Variants in SPAG6 observed in about 807,000 individuals in gnomAD.
SPAG6 encodes the protein sperm associated antigen 6.
In SPAG6, 49 loss-of-function variants were observed where a neutral mutation model predicts 58.5. That is an observed-to-expected ratio of 0.84 (90% CI 0.67 to 1.06). SPAG6 has a LOEUF of 1.06. Ranked by LOEUF, SPAG6 falls within the 50% of genes least tolerant of loss-of-function variation. SPAG6 has a pLI of 0.00. For missense variants in SPAG6, 560 were observed against 611.3 expected (o/e 0.92, Z 0.89); for synonymous variants, 233 against 225.6 (o/e 1.03, Z -0.29).
chr10:22,401,109 C>A, intron 8 of SPAG6, 52 bp from the exon 9 acceptor site: 1 of 801,344 alleles, frequency 1.2e-6, no homozygotes, highest in Non-Finnish European at 2.1e-6. Flanking sequence ...GAATTCTTGT[C>A]AAGGTTTCAT....
At position 22,345,584 on chromosome 10, in the gene SPAG6, G is replaced by A. The variant is rs376327411; in HGVS notation, c.-28G>A. 233 of 1,524,832 alleles carry A rather than the reference G, an allele frequency of 1.5e-4. 1 individual carries two copies. The South Asian group carries it at 2.3e-3, about 15-fold the overall frequency. 94.5% of individuals were successfully genotyped at this position (1,524,832 alleles called of 1,614,324 possible). A position where few individuals can be genotyped will look rare whatever the true frequency, so the allele number is the denominator to read the frequency against. On this transcript the variant is annotated 5_prime_UTR_variant, in exon 1 of 11. Coordinates refer to ENST00000376624, the MANE Select transcript of SPAG6 (RefSeq NM_012443.4). This position sits in a 1 kb window ranked among gnomAD's most constrained non-coding sequence, Gnocchi z 6.3. The stretch of plus-strand genomic sequence containing the variant: ...GCCGAGCGGCTTCCCCGCAGAGCTC[G>A]AGGAGGGCAGACGGCGGCGGGGGCG...
intron 2 of SPAG6, among the ~76,000 whole-genome samples, chr10:22,363,821 A>AAAGAAAAGAT (rs1837114140): frequency 6.6e-6 from 1 of 152,236 alleles, no homozygotes; most frequent in Admixed American, 6.5e-5. Flanking sequence ...ATATATTTTT[A>AAAGAAAAGAT]AAGAAAAGAT....
rs1356880413 is a variant in SPAG6 at position 22,401,271 on chromosome 10, C to G, written c.1308C>G (p.Phe436Leu). 10 of 1,489,114 alleles carry G rather than the reference C, an allele frequency of 6.7e-6. No individual in the cohort carries two copies. The highest frequency in any genetic ancestry group is 9.4e-6 in the Non-Finnish European group (10 of 1,067,900). The allele number at this position is 1,489,114 out of a possible 1,614,324, so 92.2% of individuals were successfully genotyped here. ...PNILKHVVGQ[F>L]SKVLPHDSKA... ...TTCTGAAACATGTGGTTGGACAGTT[C>G]AGTAAGGTAAGAAATGCCAGCCTCT... The change falls in exon 9 of 11, where the codon TTC (phenylalanine) becomes TTG (leucine). Residue 436 changes from phenylalanine (F) to leucine (L), a missense_variant. Coordinates refer to ENST00000376624, the MANE Select transcript of SPAG6 (RefSeq NM_012443.4).
chr10:22,407,784 G>A (rs1205540582), intron 9 of SPAG6, among the ~76,000 whole-genome samples: 12 of 152,058 alleles, frequency 7.9e-5, no homozygotes, highest in African/African-American at 2.7e-4. Context: ...CCAATCAGAC[G>A]TAGATTTGGT....
In SPAG6 at chr10:22,416,610, C is replaced by G. The variant is rs755874186; in HGVS notation, c.1461-9C>G. On this transcript the variant is annotated splice_polypyrimidine_tract_variant and intron_variant, in intron 10 of 10. Transcript: ENST00000376624. ...TCACCAGCATTTAATAGTGTATTTT[C>G]TTTTTCAGGTATTATTCCCCTGGAT... 1 of 1,579,708 alleles carries G rather than the reference C, an allele frequency of 6.3e-7. No individual in the cohort carries two copies. Among genetic ancestry groups the G allele is most frequent in the South Asian group, 1.1e-5 (1 of 90,226 alleles).
intron 9 of SPAG6, among the ~76,000 whole-genome samples, chr10:22,404,028 G>A (rs1227850012): frequency 1.1e-4 from 15 of 140,540 alleles, no homozygotes; most frequent in African/African-American, 3.5e-4. Flanking sequence ...GTAGATTCTG[G>A]ATATTAGCCC....
chr10:22,359,635 T>C lies in SPAG6; in HGVS notation c.122-5218T>C, dbSNP rs1836976954. On this transcript the variant is annotated intron_variant, in intron 2 of 10. Transcript: ENST00000376624. ...GGTGGTGGTTGCACAACACTGTAAATGTACTCAATGCCACTTAATTGTACA... is the reference window on the plus strand; with the variant it reads ...GGTGGTGGTTGCACAACACTGTAAACGTACTCAATGCCACTTAATTGTACA... Among the ~76,000 whole-genome samples the C allele has an allele frequency of 3.9e-5, 6 of 152,292 alleles. No homozygotes were observed. The South Asian group carries it at 1.2e-3, about 32-fold the overall frequency.
chr10:22,410,582 AG>A (rs34169920), intron 9 of SPAG6, among the ~76,000 whole-genome samples: 7,207 of 152,228 alleles, frequency 0.047, 271 homozygotes, highest in Non-Finnish European at 0.079. Flanking sequence ...AGGAAGAGGT[AG>A]CAGCGTGGGC....
At chr10:22,412,376 A>G (rs1834762154) in intron 10 of SPAG6, 1 of 819,718 alleles carries the variant, frequency 1.2e-6, no homozygotes, top group South Asian at 1.6e-5. Flanking sequence ...GTATGGTAAC[A>G]TTAATTTTAA....
At chr10:22,365,915 A>G (rs34152992) in intron 3 of SPAG6, among the ~76,000 whole-genome samples, 1 of 152,186 alleles carries the variant, frequency 6.6e-6, no homozygotes, top group Non-Finnish European at 1.5e-5. Flanking sequence ...AAAGAAAATA[A>G]CAAGTGTTGG....
intron 4 of SPAG6, among the ~76,000 whole-genome samples, chr10:22,384,196 T>C (rs1011440501): frequency 6.6e-6 from 1 of 152,178 alleles, no homozygotes; most frequent in African/African-American, 2.4e-5. Context: ...ATGTAGGAGT[T>C]CCAGATGCTA....
At chr10:22,359,917 A>G (rs1435246428) in intron 2 of SPAG6, among the ~76,000 whole-genome samples, 1 of 152,178 alleles carries the variant, frequency 6.6e-6, no homozygotes, top group Non-Finnish European at 1.5e-5. Context: ...CAAAGTTGCA[A>G]TGTTAAATGT....
intron 8 of SPAG6, among the ~76,000 whole-genome samples, chr10:22,394,838 C>A (rs1016374321): frequency 6.6e-6 from 1 of 152,144 alleles, no homozygotes; most frequent in Non-Finnish European, 1.5e-5. Flanking sequence ...TCCCAAGTAG[C>A]TAAGACTACA....
rs1037271840 is a variant in SPAG6 at position 22,401,050 on chromosome 10, T to C, written c.1198-111T>C. The C allele has an allele frequency of 6.0e-6, 4 of 671,850 alleles. No homozygotes were observed. The African/African-American group carries it at 7.2e-5, about 12-fold the overall frequency. 41.6% of individuals were successfully genotyped at this position (671,850 alleles called of 1,614,324 possible). ...TTTTAAAAAATGAAACAACTGCAGC[T>C]TAGACCAGGAAATTGATTTTATTTT... is the stretch of plus-strand genomic sequence containing the variant. On this transcript the variant is annotated intron_variant, in intron 8 of 10. Transcript: ENST00000376624.
In SPAG6 at chr10:22,416,779, C is replaced by T; in HGVS notation, c.*91C>T. The T allele has an allele frequency of 1.4e-6, 1 of 707,774 alleles. No individual in the cohort carries two copies. The highest frequency in any genetic ancestry group is 2.1e-5 in the Admixed American group (1 of 47,578). 43.8% of individuals were successfully genotyped at this position (707,774 alleles called of 1,614,324 possible). The stretch of plus-strand genomic sequence containing the variant: ...TCTAAATATTTGAACTAAGTATATT[C>T]TAGATTTATTTAATGGGAAATACCT... On this transcript the variant is annotated 3_prime_UTR_variant, in exon 11 of 11. Transcript: ENST00000376624.
chr10:22,357,331 T>A (rs780196587), intron 2 of SPAG6, among the ~76,000 whole-genome samples: 3 of 152,232 alleles, frequency 2.0e-5, no homozygotes, highest in Non-Finnish European at 4.4e-5. Context: ...TCACAACCCG[T>A]TTAGAAGTTC....
intron 6 of SPAG6, among the ~76,000 whole-genome samples, chr10:22,388,958 G>A (rs565843428): frequency 6.6e-6 from 1 of 152,250 alleles, no homozygotes; most frequent in South Asian, 2.1e-4. Context: ...GAACCACAGA[G>A]TAAAGCTCCT....
chr10:22,388,037 G>A (rs1326949945), intron 6 of SPAG6, 41 bp downstream of exon 6: 1 of 1,513,342 alleles, frequency 6.6e-7, no homozygotes, highest in African/African-American at 1.4e-5. Context: ...GTAGTAGTTA[G>A]TTTTAGTTTT....
Position 22,398,879 on chromosome 10 carries a change from C to A in SPAG6, c.1198-2282C>A, listed in dbSNP as rs12569864. ...TGTTGCCCAGGCTGGAGTGCAATGGCACAATCTCAGCTTACCGCAACCTCC... is the reference window on the plus strand; with the variant it reads ...TGTTGCCCAGGCTGGAGTGCAATGGAACAATCTCAGCTTACCGCAACCTCC... On this transcript the variant is annotated intron_variant, in intron 8 of 10. Coordinates refer to ENST00000376624, the MANE Select transcript of SPAG6 (RefSeq NM_012443.4). Among the ~76,000 whole-genome samples the A allele has an allele frequency of 5.3e-5, 8 of 151,970 alleles. No individual in the cohort carries two copies. In the East Asian group the frequency reaches 1.5e-3, roughly 29 times the overall value.
Sources: allele counts gnomAD v4.1 joint callset (sites outside exome capture counted in the v4.1 genomes callset), GRCh38; gene constraint gnomAD v4.1.1; non-coding constraint Gnocchi (gnomAD v3.1); transcripts MANE v1.5; gene names NCBI Gene and HGNC (gene_info 2026-07-23, HGNC 2026-07-21).